DUSP13B: variants seen among roughly 807,000 people sequenced by gnomAD.
DUSP13B encodes dual specificity phosphatase 13B, also known as dual specificity protein phosphatase 13B.
At chr10:75,095,568 A>G in the DUSP13B span, 477,703 of 1,611,460 alleles carry the variant, frequency 0.3, 76,164 homozygotes, top group East Asian at 0.62. Context: ...CTGATCCAGA[A>G]GTGCACCTTG....
chr10:75,106,304 C>T, the DUSP13B span, among the ~76,000 whole-genome samples: 1 of 151,924 alleles, frequency 6.6e-6, no homozygotes. Context: ...TGTCCCTCCC[C>T]CACCTTCAGC....
chr10:75,108,720 A>G, the DUSP13B span, among the ~76,000 whole-genome samples: 1 of 152,152 alleles, frequency 6.6e-6, no homozygotes, highest in East Asian at 1.9e-4. Context: ...CCCAAATACT[A>G]TTTCCTGGGC....
chr10:75,101,792 A>G, the DUSP13B span: 1 of 1,043,252 alleles, frequency 9.6e-7, no homozygotes, highest in South Asian at 1.2e-5. Flanking sequence ...CACAGGCACA[A>G]GTGTCCTGGC....
chr10:75,099,823 A>C, the DUSP13B span: 1 of 170,144 alleles, frequency 5.9e-6, no homozygotes, highest in African/African-American at 2.4e-5. Context: ...CTTTGCTCCC[A>C]TCTGGACCAC....
At chr10:75,097,833 C>T in the DUSP13B span, 2 of 1,613,636 alleles carry the variant, frequency 1.2e-6, no homozygotes, top group African/African-American at 2.7e-5. Flanking sequence ...GATGCCTGGA[C>T]TGCCCCATGG....
the DUSP13B span, chr10:75,095,432 G>C: frequency 2.8e-6 from 2 of 712,660 alleles, no homozygotes; most frequent in Non-Finnish European, 4.7e-6. Flanking sequence ...CTCACTGAAT[G>C]GTAGTAGCTA....
chr10:75,095,387 A>G, the DUSP13B span, among the ~76,000 whole-genome samples: 1 of 152,274 alleles, frequency 6.6e-6, no homozygotes, highest in East Asian at 1.9e-4. Context: ...TTATGTCTGC[A>G]ATTGCTAGCC....
the DUSP13B span, chr10:75,105,637 C>T: frequency 1.2e-5 from 19 of 1,543,292 alleles, no homozygotes; most frequent in Non-Finnish European, 1.4e-5. Context: ...CAACCACATC[C>T]AGCTTTGCCC....
the DUSP13B span, among the ~76,000 whole-genome samples, chr10:75,095,284 G>A: frequency 1.3e-5 from 2 of 152,172 alleles, no homozygotes; most frequent in Non-Finnish European, 1.5e-5. Flanking sequence ...AGAGGAACCC[G>A]CTCAAGAGCT....
chr10:75,101,726 G>A, the DUSP13B span: 97 of 457,938 alleles, frequency 2.1e-4, 1 homozygote, highest in South Asian at 7.8e-4. Context: ...CCTTGTCTGC[G>A]CCTTCATCTC....
chr10:75,109,025 G>A, the DUSP13B span: 1 of 1,609,276 alleles, frequency 6.2e-7, no homozygotes, highest in Non-Finnish European at 8.5e-7. Context: ...CCTATGAAAA[G>A]GTTGGGCCAA....
At chr10:75,104,149 T>G in the DUSP13B span, 1 of 1,255,394 alleles carries the variant, frequency 8.0e-7, no homozygotes, top group Non-Finnish European at 1.0e-6. Context: ...AGGCCCAGGC[T>G]GGCTGGGACT....
chr10:75,104,157 A>C, the DUSP13B span: 1 of 1,221,874 alleles, frequency 8.2e-7, no homozygotes, highest in Non-Finnish European at 1.1e-6. Context: ...GCTGGCTGGG[A>C]CTTGTTGGGG....
chr10:75,099,602 C>T, the DUSP13B span: 1 of 1,199,830 alleles, frequency 8.3e-7, no homozygotes, highest in Non-Finnish European at 1.0e-6. Flanking sequence ...CGACTGAGGC[C>T]TTGTGGACTG....
At chr10:75,097,786 G>A in the DUSP13B span, 13 of 1,613,860 alleles carry the variant, frequency 8.1e-6, no homozygotes, top group Non-Finnish European at 1.1e-5. Context: ...CCCACAGCAA[G>A]CGCTGCAGCG....
At chr10:75,095,608 G>C in the DUSP13B span, 2 of 1,614,122 alleles carry the variant, frequency 1.2e-6, no homozygotes, top group Non-Finnish European at 1.7e-6. Flanking sequence ...CGGATGTATC[G>C]AGCAACAGGC....
At chr10:75,105,527 C>G in the DUSP13B span, 1 of 921,966 alleles carries the variant, frequency 1.1e-6, no homozygotes, top group African/African-American at 1.6e-5. Context: ...GCCAGGCCCC[C>G]TTTAATCCTC....
the DUSP13B span, chr10:75,095,710 T>C: frequency 2.5e-6 from 4 of 1,614,114 alleles, no homozygotes; most frequent in Non-Finnish European, 3.4e-6. Flanking sequence ...TTGGCACCTG[T>C]GTCCACCTGG....
chr10:75,095,979 G>C, the DUSP13B span, among the ~76,000 whole-genome samples: 1 of 152,240 alleles, frequency 6.6e-6, no homozygotes, highest in Non-Finnish European at 1.5e-5. Flanking sequence ...TTCGGGCTGG[G>C]TGCGGTGGCT....
Sources: allele counts gnomAD v4.1 joint callset (sites outside exome capture counted in the v4.1 genomes callset), GRCh38; gene constraint gnomAD v4.1.1; transcripts MANE v1.5; gene names NCBI Gene and HGNC (gene_info 2026-07-23, HGNC 2026-07-21).